Variants in VWF observed in about 807,000 individuals in gnomAD.
VWF encodes von Willebrand factor.
Under a neutral mutation model 308.6 loss-of-function variants are expected in VWF, and 176 were observed. That is an observed-to-expected ratio of 0.57 (90% confidence interval 0.50 to 0.65). The LOEUF (loss-of-function observed/expected upper bound fraction) is 0.65. Ranked by LOEUF, VWF falls within the 30% of genes least tolerant of loss-of-function variation. The pLI is 0.00. For missense variants in VWF, 3,146 were observed against 3,648.2 expected, an observed-to-expected ratio of 0.86 and a Z score of 3.55; for synonymous variants, 1,385 against 1,443.4, an observed-to-expected ratio of 0.96 and a Z score of 0.92.
At position 5,994,094 on chromosome 12, in the gene VWF, C is replaced by G; in HGVS notation, c.6366G>C (p.Thr2122=). ...QEWTVQRPGQ[T]CQPILEEQCL... ...ACTGCTCCTCCAGGATGGGCTGGCA[C>G]GTCTGCCCTGGCCGCTGCACAGTCC... The change falls in exon 37 of 52, where the codon ACG becomes ACC. Residue 2122 remains threonine (T), a synonymous_variant. Coordinates refer to ENST00000261405, the MANE Select transcript of VWF (RefSeq NM_000552.5). 1 of 1,614,200 alleles carries G rather than the reference C, an allele frequency of 6.2e-7. No individual in the cohort carries two copies. The highest frequency in any genetic ancestry group is 1.3e-5 in the African/African-American group (1 of 75,044).
chr12:6,097,060 G>C (rs1945111992), intron 5 of VWF, among the ~76,000 whole-genome samples: 1 of 152,168 alleles, frequency 6.6e-6, no homozygotes, highest in Non-Finnish European at 1.5e-5. Flanking sequence ...GGCAAAAGAT[G>C]TGCTTGAGTT....
At chr12:5,964,327 T>C (rs1343553008) in intron 47 of VWF, among the ~76,000 whole-genome samples, 1 of 135,718 alleles carries the variant, frequency 7.4e-6, no homozygotes, top group East Asian at 2.0e-4. Context: ...CCATCTACTG[T>C]CTCATCATTC....
At position 6,020,083 on chromosome 12, in the gene VWF, CA is replaced by C. The variant is rs1944113981; in HGVS notation, c.3675-341del. On this transcript the variant is annotated intron_variant, in intron 27 of 51. Transcript: ENST00000261405. This position sits in a 1 kb window ranked among gnomAD's most constrained non-coding sequence, Gnocchi z 4.3. ...ATTTCTTTTCAACCTACATCTTTAG[CA>C]ACATGAATACTTAATTATAATCCAA... is the stretch of plus-strand genomic sequence containing the variant. Among the ~76,000 whole-genome samples the C allele has an allele frequency of 4.6e-5, 7 of 152,336 alleles. No homozygotes were observed. In the South Asian group the frequency reaches 1.5e-3, roughly 32 times the overall value.
In VWF at chr12:5,994,508, G is replaced by T; in HGVS notation, c.6163C>A (p.Leu2055Ile). The T allele has an allele frequency of 6.2e-7, 1 of 1,614,068 alleles. No homozygotes were observed. Among genetic ancestry groups the T allele is most frequent in the Non-Finnish European group, 8.5e-7 (1 of 1,179,952 alleles). The change falls in exon 36 of 52, where the codon CTT becomes ATT. Residue 2055 changes from leucine (L) to isoleucine (I), a missense_variant. Coordinates refer to ENST00000261405, the MANE Select transcript of VWF (RefSeq NM_000552.5). ...GGAGTGAATGTGAAGATGTGACCAAGGTGATTGAATCTGACCTCATGCATG... is the reference window on the plus strand; with the variant it reads ...GGAGTGAATGTGAAGATGTGACCAATGTGATTGAATCTGACCTCATGCATG... Reference protein sequence around the residue: ...AIMHEVRFNHLGHIFTFTPQN... With the variant: ...AIMHEVRFNHIGHIFTFTPQN...
chr12:6,120,491 T>C (rs1407613490), intron 3 of VWF, among the ~76,000 whole-genome samples: 1 of 152,012 alleles, frequency 6.6e-6, no homozygotes, highest in African/African-American at 2.4e-5. Context: ...TTAGTAGAGA[T>C]GGGGTTTCAC....
chr12:6,026,015 T>C lies in VWF; in HGVS notation c.2999A>G (p.Asp1000Gly). The C allele has an allele frequency of 6.2e-7, 1 of 1,613,898 alleles. No individual in the cohort carries two copies. The highest frequency in any genetic ancestry group is 8.5e-7 in the Non-Finnish European group (1 of 1,179,872). The change falls in exon 23 of 52, where the codon GAT becomes GGT. Residue 1000 changes from aspartate to glycine, a missense_variant. Physicochemically the swap from Asp to Gly is moderately conservative, Grantham distance 94. Transcript: ENST00000261405. ...EKVCGLCGNF[D>G]GIQNNDLTSS... The stretch of plus-strand genomic sequence containing the variant: ...GGTGAGGTCATTGTTCTGGATGCCA[T>C]CAAAATTCCCACACAGGCCACACAC...
intron 19 of VWF, among the ~76,000 whole-genome samples, chr12:6,035,092 G>C (rs1329583817): frequency 6.6e-6 from 1 of 152,226 alleles, no homozygotes; most frequent in African/African-American, 2.4e-5. Flanking sequence ...AAGTGAGCCA[G>C]GCAGCCAGGG....
chr12:6,039,690 A>G lies in VWF; in HGVS notation c.2443-3199T>C, dbSNP rs573763350. Among the ~76,000 whole-genome samples the G allele has an allele frequency of 3.9e-5, 6 of 152,322 alleles. No homozygotes were observed. The South Asian group carries it at 1.0e-3, about 26-fold the overall frequency. On this transcript the variant is annotated intron_variant, in intron 18 of 51. Coordinates refer to ENST00000261405, the MANE Select transcript of VWF (RefSeq NM_000552.5). ...GGACCATGTAGGAGATATTTCTGAA[A>G]CAGGCCCTTCTTTGGATCTTTTAAA... is the stretch of plus-strand genomic sequence containing the variant.
chr12:6,059,794 TTGAA>T (rs1477285880), intron 13 of VWF, among the ~76,000 whole-genome samples: 1 of 152,234 alleles, frequency 6.6e-6, no homozygotes, highest in Admixed American at 6.5e-5. Flanking sequence ...TAAGTGTTTG[TTGAA>T]TGAATGAATC....
intron 6 of VWF, among the ~76,000 whole-genome samples, chr12:6,093,077 CTCT>C (rs1945068356): frequency 6.6e-6 from 1 of 152,078 alleles, no homozygotes; most frequent in Non-Finnish European, 1.5e-5. Context: ...ATAAGAAAAG[CTCT>C]CCTCTCTAAG....
At chr12:6,062,916 C>A in intron 13 of VWF, 38 bp downstream of exon 13, 1 of 1,552,966 alleles carries the variant, frequency 6.4e-7, no homozygotes, top group South Asian at 1.1e-5. Context: ...TTGTAAGGGT[C>A]GGGCCGCAGG....
Position 6,064,097 on chromosome 12 carries a change from C to A in VWF, c.1432+149G>T, listed in dbSNP as rs1944685513. ...TTCTTGGAGGGATGCATGCCAAGCA[C>A]CCCACCCTGCCCTCCAAAAATAACT... On this transcript the variant is annotated intron_variant, in intron 12 of 51. Coordinates refer to ENST00000261405, the MANE Select transcript of VWF (RefSeq NM_000552.5). 4.6e-6 allele frequency: 6 copies of A among 1,296,608 alleles called. No homozygotes were observed. The East Asian group carries it at 1.5e-4, about 32-fold the overall frequency. 80.3% of individuals were successfully genotyped at this position (1,296,608 alleles called of 1,614,324 possible).
intron 6 of VWF, among the ~76,000 whole-genome samples, chr12:6,092,602 T>G (rs1945051020): frequency 2.0e-5 from 1 of 50,956 alleles, no homozygotes; most frequent in African/African-American, 2.1e-4. Flanking sequence ...GCCCAGCTAG[T>G]TAGTGAGTGA....
chr12:6,103,102 T>C (rs899650897), intron 5 of VWF, among the ~76,000 whole-genome samples: 3 of 151,824 alleles, frequency 2.0e-5, no homozygotes, highest in African/African-American at 7.3e-5. Flanking sequence ...CCAAGGTGGG[T>C]GGATCACAAG....
Position 6,019,758 on chromosome 12 carries a change from G to A in VWF, c.3675-15C>T, listed in dbSNP as rs560584036. Reference sequence around the variant, plus strand: ...CATCACAGTGGCTGCAGAAAAGAGCGAAGAAATTAAAATGGTTCAGGAAGA... The same window carrying A: ...CATCACAGTGGCTGCAGAAAAGAGCAAAGAAATTAAAATGGTTCAGGAAGA... On this transcript the variant is annotated splice_polypyrimidine_tract_variant and intron_variant, in intron 27 of 51. Coordinates refer to ENST00000261405, the MANE Select transcript of VWF (RefSeq NM_000552.5). The surrounding 1 kb of genome is among the most constrained non-coding windows in gnomAD (Gnocchi z 5.8). 27 of 1,604,234 alleles carry A rather than the reference G, an allele frequency of 1.7e-5. No homozygotes were observed. Among genetic ancestry groups the A allele is most frequent in the Admixed American group, 3.5e-5 (2 of 57,826 alleles).
At position 6,063,152 on chromosome 12, in the gene VWF, T is replaced by C. The variant is rs2136460911; in HGVS notation, c.1433-98A>G. 1 of 984,532 alleles carries C rather than the reference T, an allele frequency of 1.0e-6. No homozygotes were observed. The highest frequency in any genetic ancestry group is 1.4e-5 in the South Asian group (1 of 73,388). 61.0% of individuals were successfully genotyped at this position (984,532 alleles called of 1,614,324 possible). A position where few individuals can be genotyped will look rare whatever the true frequency, so the allele number is the denominator to read the frequency against. On this transcript the variant is annotated intron_variant, in intron 12 of 51. Coordinates refer to ENST00000261405, the MANE Select transcript of VWF (RefSeq NM_000552.5). This position sits in a 1 kb window ranked among gnomAD's most constrained non-coding sequence, Gnocchi z 4.9. ...GAGGAAATGGGGTGTCTCAAAAGGATGGTAGCACTGAAGAGCAATGACTTA... is the reference window on the plus strand; with the variant it reads ...GAGGAAATGGGGTGTCTCAAAAGGACGGTAGCACTGAAGAGCAATGACTTA...
At chr12:6,079,211 C>T (rs528929739) in intron 6 of VWF, among the ~76,000 whole-genome samples, 1 of 152,332 alleles carries the variant, frequency 6.6e-6, no homozygotes, top group Admixed American at 6.5e-5. Flanking sequence ...TGCAGCCATA[C>T]CACATGGCAT....
Position 6,073,737 on chromosome 12 carries a change from T to C in VWF, c.879A>G (p.Pro293=). ...YGWTDHSACS[P]VCPAGMEYRQ... is the part of the protein sequence containing the mutation. ...TATACTCCATACCAGCAGGGCACAC[T>C]GGGCCTGAAAAGGAACATCAAAGGG... The change falls in exon 8 of 52, where the codon CCA becomes CCG. Residue 293 remains proline (P), a synonymous_variant. Transcript: ENST00000261405. 1 of 1,613,906 alleles carries C rather than the reference T, an allele frequency of 6.2e-7. No individual in the cohort carries two copies. Among genetic ancestry groups the C allele is most frequent in the Non-Finnish European group, 8.5e-7 (1 of 1,179,990 alleles).
intron 47 of VWF, among the ~76,000 whole-genome samples, chr12:5,956,312 A>C (rs1027583698): frequency 5.9e-5 from 9 of 152,224 alleles, no homozygotes; most frequent in African/African-American, 2.2e-4. Flanking sequence ...AGCCTCGGGT[A>C]GGTCCTGCAG....
Sources: gnomAD v4.1 joint callset for allele counts (sites outside exome capture counted in the v4.1 genomes callset) on GRCh38, gnomAD v4.1.1 for gene constraint, Gnocchi (gnomAD v3.1) non-coding constraint, MANE v1.5 for transcripts, NCBI Gene and HGNC (gene_info 2026-07-23, HGNC 2026-07-21) for gene names.